Variants in TDRD3 observed in about 807,000 individuals in gnomAD.
The protein encoded by TDRD3 is tudor domain containing 3, also known as tudor domain-containing protein 3.
Under a neutral mutation model 86.7 loss-of-function variants are expected in TDRD3, and 45 were observed. The observed-to-expected ratio is 0.52, with a 90% confidence interval of 0.41 to 0.67. TDRD3 has a LOEUF of 0.67. TDRD3 is among the 30% of genes least tolerant of loss of function. The probability of loss-of-function intolerance (pLI) is 0.00; values close to 1 mark genes in which losing one functional copy is unlikely to be tolerated. For missense variants in TDRD3, 814 were observed against 889.0 expected (o/e 0.92, Z 1.07); for synonymous variants, 298 against 301.7 (o/e 0.99, Z 0.13).
chr13:60,553,972 C>T (rs1395563012), intron 12 of TDRD3, among the ~76,000 whole-genome samples: 2 of 152,156 alleles, frequency 1.3e-5, no homozygotes, highest in East Asian at 1.9e-4. Context: ...AATGAAAGAA[C>T]CGTGCTCCTT....
intron 12 of TDRD3, chr13:60,535,678 T>C (rs1169477284): frequency 1.9e-5 from 3 of 153,984 alleles, no homozygotes; most frequent in Admixed American, 6.5e-5. Context: ...TATACAATTT[T>C]ACACTGCATT....
chr13:60,565,460 A>G (rs906017469), intron 12 of TDRD3, among the ~76,000 whole-genome samples: 1 of 152,206 alleles, frequency 6.6e-6, no homozygotes, highest in Non-Finnish European at 1.5e-5. Flanking sequence ...TCATCTCTAT[A>G]AAACCATTTA....
intron 1 of TDRD3, among the ~76,000 whole-genome samples, chr13:60,424,383 A>G (rs547154544): frequency 5.9e-5 from 9 of 151,764 alleles, no homozygotes; most frequent in Admixed American, 2.6e-4. Context: ...ACCTCTTTAA[A>G]GTGTACAGTT....
intron 10 of TDRD3, among the ~76,000 whole-genome samples, chr13:60,511,185 T>C (rs1045518337): frequency 6.6e-6 from 1 of 152,242 alleles, no homozygotes; most frequent in South Asian, 2.1e-4. Context: ...TTATATACTT[T>C]AGTGATTACT....
chr13:60,481,568 GT>G (rs1018077805), intron 5 of TDRD3, among the ~76,000 whole-genome samples: 3 of 151,096 alleles, frequency 2.0e-5, no homozygotes, highest in African/African-American at 7.3e-5. Context: ...ATTGTTGGTG[GT>G]TTTTTTCTTT....
chr13:60,407,553 A>G (rs140972634), intron 1 of TDRD3, among the ~76,000 whole-genome samples: 1 of 152,342 alleles, frequency 6.6e-6, no homozygotes, highest in East Asian at 1.9e-4. Flanking sequence ...GTTAAGAGAT[A>G]TAACTAGTGA....
chr13:60,515,832 T>C (rs886236339), intron 10 of TDRD3, among the ~76,000 whole-genome samples: 3 of 152,224 alleles, frequency 2.0e-5, no homozygotes, highest in Admixed American at 6.5e-5. Context: ...ATCTCCACTT[T>C]GGTGGAAAAT....
At chr13:60,416,300 A>G (rs974284525) in intron 1 of TDRD3, among the ~76,000 whole-genome samples, 1 of 152,026 alleles carries the variant, frequency 6.6e-6, no homozygotes, top group Admixed American at 6.6e-5. Flanking sequence ...TTTTTTAACT[A>G]AGGAAGTTTT....
chr13:60,467,442 C>A, intron 5 of TDRD3, 63 bp downstream of exon 5: 1 of 1,556,978 alleles, frequency 6.4e-7, no homozygotes, highest in Non-Finnish European at 8.7e-7. Flanking sequence ...CATTAAAGAG[C>A]TCTTTCAATA....
chr13:60,466,949 G>T (rs887938552), intron 4 of TDRD3, among the ~76,000 whole-genome samples: 3 of 152,040 alleles, frequency 2.0e-5, no homozygotes, highest in African/African-American at 7.2e-5. Flanking sequence ...TTCCAGTTTT[G>T]GGAAAGAGCT....
At chr13:60,507,727 C>G (rs1361550618) in intron 8 of TDRD3, among the ~76,000 whole-genome samples, 1 of 152,150 alleles carries the variant, frequency 6.6e-6, no homozygotes, top group Non-Finnish European at 1.5e-5. Context: ...CAAGGATGCC[C>G]TCTCTCACCA....
chr13:60,523,005 A>ATTGTG (rs1555287744), intron 10 of TDRD3, among the ~76,000 whole-genome samples: 2 of 151,308 alleles, frequency 1.3e-5, no homozygotes, highest in Non-Finnish European at 3.0e-5. Context: ...GAGGCACATT[A>ATTGTG]TTTTTTCACT....
intron 12 of TDRD3, among the ~76,000 whole-genome samples, chr13:60,556,751 C>T (rs74662140): frequency 1.4e-3 from 207 of 151,610 alleles, no homozygotes; most frequent in African/African-American, 4.8e-3. Context: ...ATGGTAACTA[C>T]GAAAATGTAT....
intron 4 of TDRD3, among the ~76,000 whole-genome samples, chr13:60,464,090 C>T (rs888909196): frequency 1.3e-5 from 2 of 152,138 alleles, no homozygotes; most frequent in African/African-American, 4.8e-5. Context: ...ACCCCTTTGC[C>T]TTCTGCCATG....
rs771846282 is a variant in TDRD3 at position 60,567,662 on chromosome 13, A to G, written c.*9+12A>G. 14 of 1,611,560 alleles carry G rather than the reference A, an allele frequency of 8.7e-6. No individual in the cohort carries two copies. Among genetic ancestry groups the G allele is most frequent in the Non-Finnish European group, 1.2e-5 (14 of 1,179,360 alleles). Reference sequence around the variant, plus strand: ...ACTAATAGGAAAAGGTAAACTTAACATTGTGAAGTGGTTTTCATATAAAGA... The same window carrying G: ...ACTAATAGGAAAAGGTAAACTTAACGTTGTGAAGTGGTTTTCATATAAAGA... On this transcript the variant is annotated intron_variant, in intron 13 of 13. Coordinates refer to ENST00000377881, the MANE Select transcript of TDRD3 (RefSeq NM_001146070.2).
chr13:60,537,760 G>A (rs568915731), intron 12 of TDRD3: 1 of 152,094 alleles, frequency 6.6e-6, no homozygotes, highest in South Asian at 2.1e-4. Context: ...CTATATATGT[G>A]CACTACAATT....
At chr13:60,453,525 T>C (rs1211028080) in intron 3 of TDRD3, among the ~76,000 whole-genome samples, 1 of 152,216 alleles carries the variant, frequency 6.6e-6, no homozygotes, top group Non-Finnish European at 1.5e-5. Context: ...GTACGTAAAA[T>C]GAATATCAGC....
At chr13:60,431,420 A>T (rs1954950390) in intron 1 of TDRD3, among the ~76,000 whole-genome samples, 1 of 151,968 alleles carries the variant, frequency 6.6e-6, no homozygotes, top group Non-Finnish European at 1.5e-5. Context: ...AACACTTTTG[A>T]ATACTGTTAA....
At chr13:60,460,283 G>C (rs1382549151) in intron 3 of TDRD3, 97 bp from the exon 4 acceptor site, 1 of 995,590 alleles carries the variant, frequency 1.0e-6, no homozygotes, top group Non-Finnish European at 1.4e-6. Flanking sequence ...CATAAAGCAT[G>C]ACTATTAAGG....
Sources: allele counts gnomAD v4.1 joint callset (sites outside exome capture counted in the v4.1 genomes callset), GRCh38; gene constraint gnomAD v4.1.1; transcripts MANE v1.5; gene names NCBI Gene and HGNC (gene_info 2026-07-23, HGNC 2026-07-21).